NT5M: variants seen among roughly 807,000 people sequenced by gnomAD.
NT5M encodes 5'(3')-deoxyribonucleotidase, mitochondrial.
In NT5M, 22 loss-of-function variants were observed where a neutral mutation model predicts 22.2. That is an observed-to-expected ratio of 0.99 (90% CI 0.71 to 1.41). The LOEUF (loss-of-function observed/expected upper bound fraction) is 1.41, where lower values mean the gene tolerates loss of function less well. Ranked by LOEUF, NT5M falls within the 40% of genes most tolerant of loss-of-function variation. The pLI, the probability that NT5M is intolerant of heterozygous loss-of-function variation, is 0.00. For synonymous variants in NT5M, 167 were observed against 133.0 expected (o/e 1.26, Z -1.76); for missense variants, 322 against 314.8 (o/e 1.02, Z -0.17).
chr17:17,316,701 TTG>T (rs2049036089), intron 2 of NT5M, among the ~76,000 whole-genome samples: 5 of 146,580 alleles, frequency 3.4e-5, no homozygotes, highest in African/African-American at 1.0e-4. Context: ...GTTTTTTGTT[TTG>T]TTTTGTTTTG....
rs2049786486 is a variant in NT5M, at chr17:17,347,615, CAT to C, written c.*669_*670del. 1.3e-5 allele frequency: 2 copies of C among 152,616 alleles called. No individual in the cohort carries two copies. Among genetic ancestry groups the C allele is most frequent in the African/African-American group, 4.8e-5 (2 of 41,472 alleles). The allele number at this position is 152,616 out of a possible 1,614,324, so 9.5% of individuals were successfully genotyped here. ...CCAGCAGAGAGTCCGTAGGCTTGAA[CAT>C]GTGTTGAGTGCATGAAAAATAAATG... On this transcript the variant is annotated 3_prime_UTR_variant, in exon 5 of 5. Transcript: ENST00000389022.
At chr17:17,311,984 C>T (rs1024296195) in intron 2 of NT5M, among the ~76,000 whole-genome samples, 1 of 152,214 alleles carries the variant, frequency 6.6e-6, no homozygotes, top group Non-Finnish European at 1.5e-5. Flanking sequence ...CTGCAGGGCA[C>T]AGTGGTTTGG....
At chr17:17,328,428 A>G (rs1356928557) in intron 3 of NT5M, among the ~76,000 whole-genome samples, 1 of 152,102 alleles carries the variant, frequency 6.6e-6, no homozygotes, top group East Asian at 1.9e-4. Flanking sequence ...GGTTGCTTCC[A>G]AGCACCCCCT....
rs2048806554 is a variant in NT5M, at chr17:17,306,616, CT to C, written c.342del (p.Val115SerfsTer47). 6.2e-7 allele frequency: 1 copy of C among 1,613,852 alleles called. No homozygotes were observed. The highest frequency in any genetic ancestry group is 1.3e-5 in the African/African-American group (1 of 74,932). ...GAGCCTCTGCCAGGGGCCGTGGAAG[CT>C]GTCAAGGAGATGGCCAGCCTACAAA... ...ELEPLPGAVE[A>X]VKEMASLQNT... On this transcript the variant is annotated frameshift_variant, in exon 2 of 5. Transcript: ENST00000389022. LOFTEE classifies it high-confidence loss of function.
chr17:17,338,161 G>A (rs1009420977), intron 3 of NT5M, among the ~76,000 whole-genome samples: 7 of 151,668 alleles, frequency 4.6e-5, no homozygotes, highest in Non-Finnish European at 1.0e-4. Context: ...TGAGTTCAAG[G>A]TAGATATATG....
In NT5M at chr17:17,303,703, C is replaced by T. The variant is rs564635658; in HGVS notation, c.153C>T (p.Gly51=). Residue 51 remains glycine (G), a synonymous_variant, in exon 1 of 5, where the codon GGC becomes GGT. Coordinates refer to ENST00000389022, the MANE Select transcript of NT5M (RefSeq NM_020201.4). Reference sequence around the variant, plus strand: ...ACGGCGTGCTGGCTGACTTCGAGGGCGGATTCCTCAGGAAGTTCCGCGCGC... The same window carrying T: ...ACGGCGTGCTGGCTGACTTCGAGGGTGGATTCCTCAGGAAGTTCCGCGCGC... The part of the protein sequence containing the change: ...DMDGVLADFE[G]GFLRKFRARF... 4 of 1,589,106 alleles carry T rather than the reference C, an allele frequency of 2.5e-6. No individual in the cohort carries two copies. Among genetic ancestry groups the T allele is most frequent in the Middle Eastern group, 1.7e-4 (1 of 5,856 alleles).
intron 3 of NT5M, among the ~76,000 whole-genome samples, chr17:17,335,033 A>G (rs181065828): frequency 1.3e-5 from 2 of 151,902 alleles, no homozygotes; most frequent in Non-Finnish European, 1.5e-5. Context: ...TCTCTCAGCA[A>G]TGTTTTGTAG....
chr17:17,303,589 C>G lies in NT5M; in HGVS notation c.39C>G (p.Cys13Trp). ...RLGGWCARRL[C>W]SAAVPAGRRG... is the part of the protein sequence containing the mutation. Reference sequence around the variant, plus strand: ...GCGGCTGGTGTGCGCGGCGGCTCTGCAGCGCGGCGGTTCCCGCGGGGCGGC... The same window carrying G: ...GCGGCTGGTGTGCGCGGCGGCTCTGGAGCGCGGCGGTTCCCGCGGGGCGGC... Residue 13 changes from cysteine (C) to tryptophan (W), a missense_variant, in exon 1 of 5, where the codon TGC becomes TGG. Coordinates refer to ENST00000389022, the MANE Select transcript of NT5M (RefSeq NM_020201.4). The G allele has an allele frequency of 8.4e-7, 1 of 1,188,936 alleles. No homozygotes were observed. 73.6% of individuals were successfully genotyped at this position (1,188,936 alleles called of 1,614,324 possible). A position where few individuals can be genotyped will look rare whatever the true frequency, so the allele number is the denominator to read the frequency against.
At chr17:17,311,065 G>T (rs7210344) in intron 2 of NT5M, among the ~76,000 whole-genome samples, 1 of 151,740 alleles carries the variant, frequency 6.6e-6, no homozygotes, top group Non-Finnish European at 1.5e-5. Flanking sequence ...GGCCGGGCGC[G>T]GTGGCTCACG....
At chr17:17,334,521 C>T (rs2049457865) in intron 3 of NT5M, among the ~76,000 whole-genome samples, 1 of 149,830 alleles carries the variant, frequency 6.7e-6, no homozygotes, top group Non-Finnish European at 1.5e-5. Context: ...GCTCTGTCGC[C>T]AGGCTGGAGT....
rs183896528 is a variant in NT5M at position 17,307,569 on chromosome 17, G to A, written c.368+926G>A. Among the ~76,000 whole-genome samples the A allele has an allele frequency of 3.0e-4, 5 of 16,530 alleles. No homozygotes were observed. In the East Asian group the frequency reaches 7.0e-3, roughly 23 times the overall value. The allele number at this position is 16,530 out of a possible 152,430, so 10.8% of individuals were successfully genotyped here. A position where few individuals can be genotyped will look rare whatever the true frequency, so the allele number is the denominator to read the frequency against. On this transcript the variant is annotated intron_variant, in intron 2 of 4. Coordinates refer to ENST00000389022, the MANE Select transcript of NT5M (RefSeq NM_020201.4). The stretch of plus-strand genomic sequence containing the variant: ...AGCCTGGCCAACATGATGAAACCCT[G>A]CCTCAGCCAGGTACGGTGGTTCACG...
chr17:17,317,824 A>G (rs992677510), intron 2 of NT5M, among the ~76,000 whole-genome samples: 64 of 152,062 alleles, frequency 4.2e-4, no homozygotes, highest in Admixed American at 4.1e-3. Context: ...TTAGCTAGGC[A>G]TGGTGGCAGG....
intron 2 of NT5M, among the ~76,000 whole-genome samples, chr17:17,315,778 A>G (rs12950577): frequency 0.44 from 50,196 of 114,928 alleles, 12,200 homozygotes; most frequent in East Asian, 0.72. Context: ...TTTTTTTGAG[A>G]CAGCCTCGCT....
At chr17:17,345,117 C>A in intron 4 of NT5M, 1 of 606,804 alleles carries the variant, frequency 1.6e-6, no homozygotes, top group Non-Finnish European at 2.1e-6. Flanking sequence ...TGGGTGCCAG[C>A]TCTAGGGTTA....
intron 2 of NT5M, among the ~76,000 whole-genome samples, chr17:17,308,171 G>A (rs1240896303): frequency 6.6e-6 from 1 of 152,232 alleles, no homozygotes; most frequent in Non-Finnish European, 1.5e-5. Context: ...TATTGCTTGA[G>A]ATATTTCTGT....
chr17:17,314,371 G>A (rs956425036), intron 2 of NT5M, among the ~76,000 whole-genome samples: 5 of 152,040 alleles, frequency 3.3e-5, no homozygotes, highest in African/African-American at 1.2e-4. Flanking sequence ...TAGCATGAGC[G>A]TGTGTGAAAA....
chr17:17,344,478 C>CT (rs1455921004), intron 3 of NT5M, among the ~76,000 whole-genome samples: 4 of 152,114 alleles, frequency 2.6e-5, no homozygotes, highest in Non-Finnish European at 5.9e-5. Flanking sequence ...CATGGCCGCC[C>CT]TCTGCTCCCT....
intron 2 of NT5M, among the ~76,000 whole-genome samples, chr17:17,313,115 A>C (rs2048954043): frequency 6.6e-6 from 1 of 152,050 alleles, no homozygotes; most frequent in Non-Finnish European, 1.5e-5. Flanking sequence ...ACTAAAAATA[A>C]AAAATTAGCT....
chr17:17,342,795 T>C (rs1225962385), intron 3 of NT5M, among the ~76,000 whole-genome samples: 1 of 152,232 alleles, frequency 6.6e-6, no homozygotes, highest in Non-Finnish European at 1.5e-5. Flanking sequence ...AGCTCTGTGC[T>C]GACTGCAGAG....
Sources: gnomAD v4.1 joint callset for allele counts (sites outside exome capture counted in the v4.1 genomes callset) on GRCh38, gnomAD v4.1.1 for gene constraint, MANE v1.5 for transcripts, NCBI Gene and HGNC (gene_info 2026-07-23, HGNC 2026-07-21) for gene names.